The following LRP1B variants were observed in gnomAD, a reference collection of about 807,000 sequenced individuals.
The protein encoded by LRP1B is LDL receptor related protein 1B.
In LRP1B, 217 loss-of-function variants were observed where a neutral mutation model predicts 556.6. The observed-to-expected ratio is 0.39, with a 90% CI of 0.35 to 0.44. The LOEUF is 0.44. Among genes scored for constraint, LRP1B ranks in the 20% least tolerant of loss-of-function variants. LRP1B has a pLI of 1.00. For missense variants in LRP1B, 5,053 were observed against 5,620.8 expected (o/e 0.90, Z 3.23); for synonymous variants, 2,047 against 1,865.8 (o/e 1.10, Z -2.50).
chr2:140,330,058 G>A (rs1680715042), intron 79 of LRP1B, among the ~76,000 whole-genome samples: 1 of 151,428 alleles, frequency 6.6e-6, no homozygotes, highest in Admixed American at 6.6e-5. Flanking sequence ...AAATTAGCTG[G>A]GCATGGTAGC....
At chr2:140,314,152 C>T (rs1291636058) in intron 83 of LRP1B, among the ~76,000 whole-genome samples, 1 of 151,792 alleles carries the variant, frequency 6.6e-6, no homozygotes, top group Non-Finnish European at 1.5e-5. Flanking sequence ...TAGAATTTTC[C>T]ATTTGACTAA....
chr2:141,544,331 C>CTTCTTCTTCTTCTTCTTCTT lies in LRP1B; in HGVS notation c.206-63818_206-63799dup, dbSNP rs1685425004. ...TCTTCTTCTTCTTCTTCTTCTTCTT[C>CTTCTTCTTCTTCTTCTTCTT]TTCTTCTTCTTCTTCTTCTTCTTCT... On this transcript the variant is annotated intron_variant, in intron 2 of 90. Coordinates refer to ENST00000389484, the MANE Select transcript of LRP1B (RefSeq NM_018557.3). Among the ~76,000 whole-genome samples, 72 of 29,500 alleles carry CTTCTTCTTCTTCTTCTTCTT rather than the reference C, an allele frequency of 2.4e-3. 2 individuals are homozygous for CTTCTTCTTCTTCTTCTTCTT. Among genetic ancestry groups the CTTCTTCTTCTTCTTCTTCTT allele is most frequent in the Admixed American group, 5.1e-3 (11 of 2,158 alleles). The allele number at this position is 29,500 out of a possible 152,430, so 19.4% of individuals were successfully genotyped here. A position where few individuals can be genotyped will look rare whatever the true frequency, so the allele number is the denominator to read the frequency against.
intron 2 of LRP1B, among the ~76,000 whole-genome samples, chr2:141,515,705 C>A (rs6743915): frequency 0.97 from 148,083 of 152,282 alleles, 72,134 homozygotes; most frequent in East Asian, 1. Flanking sequence ...ATTTCTTAAG[C>A]TTCTGAAGGC....
chr2:141,711,758 C>A (rs1020803594), intron 2 of LRP1B, among the ~76,000 whole-genome samples: 1 of 152,150 alleles, frequency 6.6e-6, no homozygotes, highest in African/African-American at 2.4e-5. Context: ...CCCTTTGGAT[C>A]TTCCTACCCT....
Position 140,586,380 on chromosome 2 carries a change from G to T in LRP1B, c.7194+12251C>A, listed in dbSNP as rs528982344. ...TCTCTCTAGCTAAAAGACCAGGAAA[G>T]AAACAACCTAGCAAGCACAGCAGAA... On this transcript the variant is annotated intron_variant, in intron 43 of 90. Transcript: ENST00000389484. Among the ~76,000 whole-genome samples the T allele has an allele frequency of 3.0e-3, 464 of 152,190 alleles. 7 individuals carry two copies. In the Middle Eastern group the frequency reaches 0.034, roughly 11 times the overall value.
intron 1 of LRP1B, among the ~76,000 whole-genome samples, chr2:141,832,292 C>T (rs1173531232): frequency 6.7e-6 from 1 of 149,170 alleles, no homozygotes; most frequent in Non-Finnish European, 1.5e-5. Flanking sequence ...AATTGGTCTA[C>T]TTGGTGGGCA....
In LRP1B at chr2:140,951,959, T is replaced by C; in HGVS notation, c.2888-19A>G. 1 of 1,561,766 alleles carries C rather than the reference T, an allele frequency of 6.4e-7. No individual in the cohort carries two copies. The highest frequency in any genetic ancestry group is 8.8e-7 in the Non-Finnish European group (1 of 1,132,366). ...GGGAATTCTGTGAAAGATATAAAAA[T>C]GTCCAAAAGGTAACATGTTATTGAC... is the stretch of plus-strand genomic sequence containing the variant. On this transcript the variant is annotated intron_variant, in intron 18 of 90. Coordinates refer to ENST00000389484, the MANE Select transcript of LRP1B (RefSeq NM_018557.3).
chr2:141,100,250 G>C (rs1306082540), intron 7 of LRP1B, among the ~76,000 whole-genome samples: 1 of 152,156 alleles, frequency 6.6e-6, no homozygotes, highest in African/African-American at 2.4e-5. Flanking sequence ...ACAGTGCCTA[G>C]CACATTGTAT....
At chr2:140,341,135 A>G (rs1020716526) in intron 77 of LRP1B, among the ~76,000 whole-genome samples, 4 of 151,620 alleles carry the variant, frequency 2.6e-5, no homozygotes, top group Non-Finnish European at 5.9e-5. Flanking sequence ...TGATATACAC[A>G]AAATAAATTG....
chr2:141,047,284 T>C (rs893081344), intron 11 of LRP1B, among the ~76,000 whole-genome samples: 1 of 152,036 alleles, frequency 6.6e-6, no homozygotes. Context: ...AATTTTAAAT[T>C]ATGCAGGATT....
At chr2:141,251,879 G>A (rs1025223863) in intron 4 of LRP1B, among the ~76,000 whole-genome samples, 9 of 152,140 alleles carry the variant, frequency 5.9e-5, no homozygotes, top group African/African-American at 2.2e-4. Context: ...CAAGGGCACT[G>A]TAGCAGAAGC....
chr2:140,749,673 A>C (rs867332844), intron 35 of LRP1B, among the ~76,000 whole-genome samples: 2 of 152,286 alleles, frequency 1.3e-5, no homozygotes, highest in Middle Eastern at 3.4e-3. Flanking sequence ...TCCTATGATA[A>C]CAATGCCTTC....
chr2:141,806,134 G>A (rs1170410385), intron 2 of LRP1B, among the ~76,000 whole-genome samples: 1 of 152,014 alleles, frequency 6.6e-6, no homozygotes, highest in Non-Finnish European at 1.5e-5. Context: ...GTGTTGAAAA[G>A]GAAGTATCAT....
chr2:140,897,433 A>C (rs1295133798), intron 23 of LRP1B, among the ~76,000 whole-genome samples: 2 of 152,174 alleles, frequency 1.3e-5, no homozygotes, highest in African/African-American at 4.8e-5. Flanking sequence ...AAAGCCTAAA[A>C]ATATTATTCT....
chr2:140,815,583 A>G (rs971478416), intron 31 of LRP1B, among the ~76,000 whole-genome samples: 9 of 152,306 alleles, frequency 5.9e-5, no homozygotes, highest in African/African-American at 2.2e-4. Flanking sequence ...GACTGGCCAC[A>G]GGGCTACTGT....
intron 84 of LRP1B, among the ~76,000 whole-genome samples, chr2:140,279,406 G>T (rs770632677): frequency 6.6e-6 from 1 of 151,938 alleles, no homozygotes; most frequent in Non-Finnish European, 1.5e-5. Flanking sequence ...AATTGACTCA[G>T]AGTAATATCT....
chr2:140,643,340 A>G (rs1179871502), intron 41 of LRP1B, among the ~76,000 whole-genome samples: 2 of 152,280 alleles, frequency 1.3e-5, no homozygotes, highest in Admixed American at 1.3e-4. Flanking sequence ...TTCATTGTTT[A>G]TATTTCCATC....
At chr2:140,373,173 A>T (rs1488752816) in intron 68 of LRP1B, 36 bp from the exon 69 acceptor site, 3 of 1,594,194 alleles carry the variant, frequency 1.9e-6, no homozygotes, top group African/African-American at 2.7e-5. Flanking sequence ...CAAAATTAAA[A>T]TTTTAGAAAC....
chr2:141,875,312 C>G (rs934704561), intron 1 of LRP1B, among the ~76,000 whole-genome samples: 4 of 151,824 alleles, frequency 2.6e-5, no homozygotes, highest in Non-Finnish European at 5.9e-5. Context: ...AGGCCACACA[C>G]AGCCAATATT....
Sources: allele counts gnomAD v4.1 joint callset (sites outside exome capture counted in the v4.1 genomes callset), GRCh38; gene constraint gnomAD v4.1.1; transcripts MANE v1.5; gene names NCBI Gene and HGNC (gene_info 2026-07-23, HGNC 2026-07-21).